GRIP1: variants seen among roughly 807,000 people sequenced by gnomAD.
GRIP1 encodes glutamate receptor interacting protein 1.
GRIP1 carries 45 observed loss-of-function variants against 129.9 expected under a neutral mutation model. The observed-to-expected ratio is 0.35, with a 90% CI of 0.27 to 0.44. The LOEUF is 0.44. Among genes scored for constraint, GRIP1 ranks in the 20% least tolerant of loss-of-function variants. The pLI is 1.00. For missense variants in GRIP1, 1,196 were observed against 1,396.8 expected, an observed-to-expected ratio of 0.86 and a Z score of 2.29; for synonymous variants, 530 against 520.8, an observed-to-expected ratio of 1.02 and a Z score of -0.24.
intron 1 of GRIP1, among the ~76,000 whole-genome samples, chr12:66,740,090 G>A (rs1245878919): frequency 5.9e-5 from 9 of 152,194 alleles, no homozygotes; most frequent in African/African-American, 2.2e-4. Context: ...GTGAACTAAG[G>A]AGAGCCTCAG....
chr12:67,001,420 CTGGGG>C (rs2042549355), intron 1 of GRIP1, among the ~76,000 whole-genome samples: 1 of 152,162 alleles, frequency 6.6e-6, no homozygotes, highest in Non-Finnish European at 1.5e-5. Flanking sequence ...CTGTGAGACC[CTGGGG>C]TTACAGAACA....
At chr12:66,832,754 A>T (rs1181127334) in intron 1 of GRIP1, among the ~76,000 whole-genome samples, 1 of 152,170 alleles carries the variant, frequency 6.6e-6, no homozygotes, top group Non-Finnish European at 1.5e-5. Context: ...TGGAAAACTA[A>T]CAACTAACCC....
chr12:66,711,909 A>G (rs1309023713), intron 1 of GRIP1, among the ~76,000 whole-genome samples: 2 of 151,906 alleles, frequency 1.3e-5, no homozygotes, highest in Non-Finnish European at 2.9e-5. Flanking sequence ...TTTAGTTGGT[A>G]CGAAAAGAAT....
chr12:66,663,807 T>G (rs1191953434), intron 1 of GRIP1, among the ~76,000 whole-genome samples: 1 of 152,242 alleles, frequency 6.6e-6, no homozygotes, highest in Non-Finnish European at 1.5e-5. Flanking sequence ...CAAAATTCAC[T>G]GCAACGTTTT....
chr12:66,371,965 G>A, intron 22 of GRIP1, 38 bp from the exon 23 acceptor site: 1 of 1,324,672 alleles, frequency 7.5e-7, no homozygotes, highest in Non-Finnish European at 1.1e-6. Context: ...ATTAAGCCAT[G>A]GACTAAGGAA....
In GRIP1 at chr12:66,636,633, A is replaced by T. The variant is rs573283154; in HGVS notation, c.56-39706T>A. ...AGATAGGGCCTTTAAGGAGCTGATTAAGGTTAAAATGAGGTCTTAAGCATG... is the reference window on the plus strand; with the variant it reads ...AGATAGGGCCTTTAAGGAGCTGATTTAGGTTAAAATGAGGTCTTAAGCATG... On this transcript the variant is annotated intron_variant, in intron 1 of 24. Coordinates refer to ENST00000359742, the MANE Select transcript of GRIP1 (RefSeq NM_001366722.1). Among the ~76,000 whole-genome samples the T allele has an allele frequency of 8.5e-5, 13 of 152,112 alleles. No individual in the cohort carries two copies. The South Asian group carries it at 2.7e-3, about 32-fold the overall frequency.
At chr12:66,784,685 A>G (rs908620438) in intron 1 of GRIP1, among the ~76,000 whole-genome samples, 12 of 152,284 alleles carry the variant, frequency 7.9e-5, no homozygotes, top group East Asian at 1.9e-4. Flanking sequence ...TTCAGGAAAA[A>G]AAAATCTTTT....
intron 7 of GRIP1, among the ~76,000 whole-genome samples, chr12:66,502,401 A>G (rs74399383): frequency 0.012 from 1,837 of 152,312 alleles, 42 homozygotes; most frequent in East Asian, 0.1. Context: ...CTCCTAAATT[A>G]TATTCTACAG....
At chr12:66,557,301 C>A (rs983818983) in intron 2 of GRIP1, among the ~76,000 whole-genome samples, 1 of 151,922 alleles carries the variant, frequency 6.6e-6, no homozygotes, top group Admixed American at 6.6e-5. Context: ...ATATGTACAC[C>A]CAACACTGGA....
At chr12:66,453,497 C>T (rs969052202) in intron 11 of GRIP1, among the ~76,000 whole-genome samples, 1 of 152,148 alleles carries the variant, frequency 6.6e-6, no homozygotes, top group Admixed American at 6.5e-5. Flanking sequence ...ATGTACCCCT[C>T]GTTAAAAAGA....
chr12:66,983,769 C>G (rs1445708260), intron 1 of GRIP1, among the ~76,000 whole-genome samples: 1 of 152,178 alleles, frequency 6.6e-6, no homozygotes, highest in Non-Finnish European at 1.5e-5. Flanking sequence ...GTGTAACCTA[C>G]AGGGTACTGT....
chr12:67,066,000 G>A (rs1001095196), intron 1 of GRIP1, among the ~76,000 whole-genome samples: 1 of 152,174 alleles, frequency 6.6e-6, no homozygotes, highest in Non-Finnish European at 1.5e-5. Context: ...AGAAAGTCAG[G>A]GGTAGTGGGT....
intron 2 of GRIP1, among the ~76,000 whole-genome samples, chr12:66,575,001 A>C (rs1441857792): frequency 6.6e-6 from 1 of 151,654 alleles, no homozygotes; most frequent in Non-Finnish European, 1.5e-5. Context: ...CGAACTTCTG[A>C]CTTCAGGTGA....
Position 66,394,249 on chromosome 12 carries a change from A to G in GRIP1, c.2088T>C (p.Pro696=), listed in dbSNP as rs763066567. ...TISGTEEPFD[P]IIISSLTKGG... is the part of the protein sequence containing the mutation. ...CTTTAGTGAGGCTTGAAATGATTAT[A>G]GGATCAAACGGCTCTTCAGTTCCTG... is the stretch of plus-strand genomic sequence containing the variant. Residue 696 remains proline, a synonymous_variant, in exon 17 of 25, where the codon CCT becomes CCC. Transcript: ENST00000359742. 7.4e-6 allele frequency: 12 copies of G among 1,614,026 alleles called. No individual in the cohort carries two copies. The highest frequency in any genetic ancestry group is 1.1e-5 in the South Asian group (1 of 91,074).
chr12:66,762,203 C>T (rs889699575), intron 1 of GRIP1, among the ~76,000 whole-genome samples: 8 of 152,172 alleles, frequency 5.3e-5, no homozygotes, highest in African/African-American at 1.9e-4. Flanking sequence ...TGGTGATTTA[C>T]ACTTGCTCAG....
chr12:66,648,005 C>T (rs1292125352), intron 1 of GRIP1, among the ~76,000 whole-genome samples: 3 of 152,178 alleles, frequency 2.0e-5, no homozygotes, highest in Admixed American at 1.3e-4. Flanking sequence ...CTAGCATAGC[C>T]ATTTCAGGGG....
chr12:66,366,493 AG>A (rs1555172239), intron 23 of GRIP1, among the ~76,000 whole-genome samples: 1 of 152,316 alleles, frequency 6.6e-6, no homozygotes, highest in Non-Finnish European at 1.5e-5. Flanking sequence ...AAAAATAAAG[AG>A]GTTACTTGTG....
intron 1 of GRIP1, among the ~76,000 whole-genome samples, chr12:66,662,679 G>A (rs373319338): frequency 6.6e-6 from 1 of 152,156 alleles, no homozygotes; most frequent in East Asian, 1.9e-4. Flanking sequence ...TGTTGAAAAA[G>A]ATCTCATGAA....
intron 1 of GRIP1, among the ~76,000 whole-genome samples, chr12:66,631,991 T>A (rs2030843003): frequency 1.3e-5 from 2 of 152,326 alleles, no homozygotes; most frequent in East Asian, 3.9e-4. Flanking sequence ...GTGAGAATAC[T>A]GAGAGGATCT....
Sources: gnomAD v4.1 joint callset for allele counts (sites outside exome capture counted in the v4.1 genomes callset) on GRCh38, gnomAD v4.1.1 for gene constraint, MANE v1.5 for transcripts, NCBI Gene and HGNC (gene_info 2026-07-23, HGNC 2026-07-21) for gene names.